The following NTM variants were observed in gnomAD, a reference collection of about 807,000 sequenced individuals.
The protein encoded by NTM is IgLON family member 2.
NTM carries 13 observed loss-of-function variants against 42.1 expected under a neutral mutation model. The observed-to-expected ratio is 0.31, with a 90% CI of 0.20 to 0.49. The LOEUF is 0.49. Among genes scored for constraint, NTM ranks in the 20% least tolerant of loss-of-function variants. NTM has a pLI of 0.99. For synonymous variants in NTM, 187 were observed against 179.2 expected (o/e 1.04, Z -0.35); for missense variants, 373 against 452.8 (o/e 0.82, Z 1.60).
intron 1 of NTM, among the ~76,000 whole-genome samples, chr11:131,460,247 TTCAG>T (rs1951256680): frequency 6.6e-6 from 1 of 152,194 alleles, no homozygotes; most frequent in African/African-American, 2.4e-5. Flanking sequence ...GAGCCTAGCC[TTCAG>T]TCTGGAGAGA....
At chr11:131,424,421 C>T (rs1272110245) in intron 1 of NTM, among the ~76,000 whole-genome samples, 1 of 151,836 alleles carries the variant, frequency 6.6e-6, no homozygotes. Context: ...ATGTACGAAC[C>T]ACTTAGACCC....
intron 2 of NTM, among the ~76,000 whole-genome samples, chr11:132,107,422 C>T (rs1241966764): frequency 1.5e-5 from 2 of 137,264 alleles, no homozygotes; most frequent in African/African-American, 5.7e-5. Context: ...ATGGTCAGAA[C>T]CCACTGCAGC....
At chr11:131,391,644 G>GAAAAAA (rs5795723) in intron 1 of NTM, among the ~76,000 whole-genome samples, 1,033 of 80,772 alleles carry the variant, frequency 0.013, no homozygotes, top group Non-Finnish European at 0.017. Flanking sequence ...TTTTATCTGG[G>GAAAAAA]AAAAAAAAAA....
At chr11:131,526,934 G>A (rs567197227) in intron 1 of NTM, among the ~76,000 whole-genome samples, 8 of 152,290 alleles carry the variant, frequency 5.3e-5, no homozygotes, top group African/African-American at 1.7e-4. Flanking sequence ...GTATCATGAG[G>A]GAGACCTCGA....
intron 1 of NTM, among the ~76,000 whole-genome samples, chr11:131,799,115 CTTCA>C (rs1474577415): frequency 6.6e-6 from 1 of 152,136 alleles, no homozygotes; most frequent in Non-Finnish European, 1.5e-5. Context: ...TAGTAAACGA[CTTCA>C]TTGTTTATAA....
chr11:131,432,839 C>CCTTTTTTTTTTTTTT (rs1565494793), intron 1 of NTM, among the ~76,000 whole-genome samples: 1 of 68,694 alleles, frequency 1.5e-5, no homozygotes, highest in Non-Finnish European at 2.6e-5. Context: ...ATTTAGCATT[C>CCTTTTTTTTTTTTTT]TTTTTTTTTT....
intron 4 of NTM, among the ~76,000 whole-genome samples, chr11:132,227,027 G>A (rs1329762473): frequency 2.0e-5 from 3 of 152,196 alleles, no homozygotes; most frequent in Non-Finnish European, 4.4e-5. Flanking sequence ...CAGGGAGCTA[G>A]AAAAATGCAT....
At chr11:131,465,485 C>A (rs530366887) in intron 1 of NTM, among the ~76,000 whole-genome samples, 4 of 152,258 alleles carry the variant, frequency 2.6e-5, no homozygotes, top group Non-Finnish European at 2.9e-5. Context: ...ATTCCTATGA[C>A]TGCCCAGGTT....
chr11:132,060,558 A>G (rs186857769), intron 2 of NTM, among the ~76,000 whole-genome samples: 2 of 152,338 alleles, frequency 1.3e-5, no homozygotes, highest in East Asian at 3.9e-4. Flanking sequence ...ACGCACAATA[A>G]ATACAGAAAT....
chr11:132,240,059 CTCCATCCGTCCATCCATCCATCCA>C (rs1193466861), intron 4 of NTM, among the ~76,000 whole-genome samples: 2 of 149,596 alleles, frequency 1.3e-5, no homozygotes, highest in Non-Finnish European at 3.0e-5. Flanking sequence ...CCCTCCATCC[CTCCATCCGTCCATCCATCCATCCA>C]TCCATCCATC....
chr11:131,765,691 A>G (rs1591686625), intron 1 of NTM, among the ~76,000 whole-genome samples: 1 of 152,098 alleles, frequency 6.6e-6, no homozygotes, highest in Non-Finnish European at 1.5e-5. Context: ...GAGGCCAGGC[A>G]CCGGGCCCGG....
rs751870072 is a variant in NTM, at chr11:132,146,309, G to C, written c.195G>C (p.Arg65=). 3.7e-6 allele frequency: 6 copies of C among 1,614,206 alleles called. No individual in the cohort carries two copies. Among genetic ancestry groups the C allele is most frequent in the Non-Finnish European group, 4.2e-6 (5 of 1,180,036 alleles). ...GCACTATTGACAACCGGGTCACCCG[G>C]GTGGCCTGGCTAAACCGCAGCACCA... The part of the protein sequence containing the change: ...LRCTIDNRVT[R]VAWLNRSTIL... The change falls in exon 3 of 9, where the codon CGG becomes CGC. Residue 65 remains arginine (R), a synonymous_variant. Coordinates refer to ENST00000683400, the MANE Select transcript of NTM (RefSeq NM_001352005.2). This position sits in a 1 kb window ranked among gnomAD's most constrained non-coding sequence, Gnocchi z 4.5.
intron 1 of NTM, among the ~76,000 whole-genome samples, chr11:131,435,693 T>C (rs1428598134): frequency 2.0e-5 from 3 of 152,228 alleles, no homozygotes; most frequent in Non-Finnish European, 2.9e-5. Flanking sequence ...TGGGCTGAGA[T>C]GATGGGGTTT....
chr11:131,751,446 C>T (rs1019003911), intron 1 of NTM, among the ~76,000 whole-genome samples: 6 of 151,946 alleles, frequency 3.9e-5, no homozygotes, highest in African/African-American at 9.7e-5. Context: ...AAAAATTAGC[C>T]GGGCGCGGTG....
intron 4 of NTM, among the ~76,000 whole-genome samples, chr11:132,242,977 A>G (rs1394604682): frequency 6.6e-6 from 1 of 152,206 alleles, no homozygotes; most frequent in African/African-American, 2.4e-5. Flanking sequence ...CCCAGCAATA[A>G]GACTTCAGAC....
chr11:132,220,562 C>T (rs1422684770), intron 4 of NTM, among the ~76,000 whole-genome samples: 1 of 152,182 alleles, frequency 6.6e-6, no homozygotes. Flanking sequence ...CATATGAAAT[C>T]AAGCCTCATT....
intron 1 of NTM, among the ~76,000 whole-genome samples, chr11:131,716,922 C>T (rs1592682572): frequency 6.6e-6 from 1 of 152,262 alleles, no homozygotes; most frequent in Admixed American, 6.5e-5. Context: ...CTCTCTGCAG[C>T]CTTTACCTCT....
intron 1 of NTM, among the ~76,000 whole-genome samples, chr11:131,851,287 G>A (rs1251296467): frequency 6.6e-6 from 1 of 152,118 alleles, no homozygotes; most frequent in African/African-American, 2.4e-5. Flanking sequence ...TACTGGGCAA[G>A]GAAGGAGGCT....
At chr11:132,244,972 C>A (rs1406064861) in intron 4 of NTM, among the ~76,000 whole-genome samples, 8 of 152,248 alleles carry the variant, frequency 5.3e-5, no homozygotes, top group Admixed American at 1.3e-4. Context: ...CCCGTGTTTT[C>A]TCAGCTGGTG....
Sources: allele counts gnomAD v4.1 joint callset (sites outside exome capture counted in the v4.1 genomes callset), GRCh38; gene constraint gnomAD v4.1.1; non-coding constraint Gnocchi (gnomAD v3.1); transcripts MANE v1.5; gene names NCBI Gene and HGNC (gene_info 2026-07-23, HGNC 2026-07-21).